Variants in CBFA2T2 observed in about 807,000 individuals in gnomAD.
CBFA2T2 encodes the protein protein CBFA2T2.
CBFA2T2 carries 11 observed loss-of-function variants against 62.2 expected under a neutral mutation model. That is an observed-to-expected ratio of 0.18 (90% CI 0.11 to 0.29). The LOEUF (loss-of-function observed/expected upper bound fraction) is 0.29, where lower values mean the gene tolerates loss of function less well. Ranked by LOEUF, CBFA2T2 falls within the 10% of genes least tolerant of loss-of-function variation. The probability of loss-of-function intolerance (pLI) is 1.00; values close to 1 mark genes in which losing one functional copy is unlikely to be tolerated. For missense variants in CBFA2T2, 592 were observed against 774.1 expected (o/e 0.76, Z 2.79); for synonymous variants, 295 against 287.5 (o/e 1.03, Z -0.27).
intron 1 of CBFA2T2, among the ~76,000 whole-genome samples, chr20:33,586,136 T>C (rs1241893454): frequency 6.6e-6 from 1 of 152,226 alleles, no homozygotes; most frequent in African/African-American, 2.4e-5. Context: ...ATCAATATTG[T>C]GATTATTATC....
intron 8 of CBFA2T2, among the ~76,000 whole-genome samples, chr20:33,632,263 C>T (rs1464493847): frequency 3.3e-5 from 5 of 151,904 alleles, no homozygotes; most frequent in Admixed American, 6.6e-5. Context: ...AGGCTGGGCT[C>T]GAACTCCTGA....
chr20:33,614,044 C>T (rs1327161070), intron 3 of CBFA2T2, among the ~76,000 whole-genome samples: 2 of 150,736 alleles, frequency 1.3e-5, no homozygotes, highest in African/African-American at 2.4e-5. Flanking sequence ...ATTAGCCGGG[C>T]GTGGAGCTTG....
chr20:33,519,336 G>T lies in CBFA2T2; in HGVS notation c.34+29035G>T, dbSNP rs1224934555. Among the ~76,000 whole-genome samples the T allele has an allele frequency of 5.3e-5, 8 of 152,078 alleles. No homozygotes were observed. In the East Asian group the frequency reaches 1.5e-3, roughly 29 times the overall value. ...AATGCAAAAATTAGCCCGGTGCAGT[G>T]GCATATGCCTGTAATTCCAGCTATT... On this transcript the variant is annotated intron_variant, in intron 1 of 10. Coordinates refer to ENST00000342704, the MANE Select transcript of CBFA2T2 (RefSeq NM_001032999.3).
intron 1 of CBFA2T2, among the ~76,000 whole-genome samples, chr20:33,553,382 A>G (rs2012794132): frequency 2.0e-5 from 3 of 152,146 alleles, no homozygotes; most frequent in Admixed American, 6.5e-5. Context: ...GCACGCCACT[A>G]CGCCTGGCTA....
intron 1 of CBFA2T2, among the ~76,000 whole-genome samples, chr20:33,537,160 G>T (rs1465364041): frequency 6.6e-6 from 1 of 152,238 alleles, no homozygotes; most frequent in African/African-American, 2.4e-5. Flanking sequence ...AGGTTGTAGC[G>T]AGCCGAGATC....
intron 3 of CBFA2T2, among the ~76,000 whole-genome samples, chr20:33,614,130 AT>A (rs2015621979): frequency 6.6e-6 from 1 of 151,738 alleles, no homozygotes; most frequent in South Asian, 2.1e-4. Flanking sequence ...AAAAAAAAAA[AT>A]TCATTTGTAA....
chr20:33,566,605 C>CAA (rs11364971), intron 1 of CBFA2T2, among the ~76,000 whole-genome samples: 1 of 134,828 alleles, frequency 7.4e-6, no homozygotes, highest in Non-Finnish European at 1.6e-5. Flanking sequence ...GACTCAGTCT[C>CAA]AAAAAAAAAA....
chr20:33,597,448 A>G (rs1181122752), intron 1 of CBFA2T2, among the ~76,000 whole-genome samples: 1 of 152,176 alleles, frequency 6.6e-6, no homozygotes, highest in Non-Finnish European at 1.5e-5. Flanking sequence ...GCATACCGGT[A>G]TGGATCTGTG....
At chr20:33,597,279 CCTCAGTAGTAGAAGA>C (rs2122257709) in intron 1 of CBFA2T2, among the ~76,000 whole-genome samples, 1 of 152,134 alleles carries the variant, frequency 6.6e-6, no homozygotes, top group African/African-American at 2.4e-5. Flanking sequence ...ACTGCTGTCA[CCTCAGTAGTAGAAGA>C]CTTAGTAGTT....
chr20:33,506,022 G>A (rs537142670), intron 1 of CBFA2T2, among the ~76,000 whole-genome samples: 65 of 152,230 alleles, frequency 4.3e-4, no homozygotes, highest in Non-Finnish European at 6.5e-4. Flanking sequence ...CCCAGAAGGT[G>A]GAAGTTGCAG....
In CBFA2T2 at chr20:33,572,215, A is replaced by C. The variant is rs115507822; in HGVS notation, c.35-34741A>C. Reference sequence around the variant, plus strand: ...AAGATGGTGGTAGGGTATTAATGTTAATAATTTTGGTAATTATACTGGGCT... The same window carrying C: ...AAGATGGTGGTAGGGTATTAATGTTCATAATTTTGGTAATTATACTGGGCT... On this transcript the variant is annotated intron_variant, in intron 1 of 10. Coordinates refer to ENST00000342704, the MANE Select transcript of CBFA2T2 (RefSeq NM_001032999.3). 5.4e-3 allele frequency among the ~76,000 whole-genome samples: 825 copies of C among 152,326 alleles called. 10 individuals carry two copies. The highest frequency in any genetic ancestry group is 0.019 in the African/African-American group (775 of 41,566).
chr20:33,594,275 G>A (rs2014792386), intron 1 of CBFA2T2, among the ~76,000 whole-genome samples: 1 of 152,046 alleles, frequency 6.6e-6, no homozygotes, highest in African/African-American at 2.4e-5. Context: ...AGGCTGGAGT[G>A]CAGTGGCGCA....
chr20:33,571,485 G>T (rs1232083715), intron 1 of CBFA2T2, among the ~76,000 whole-genome samples: 1 of 151,952 alleles, frequency 6.6e-6, no homozygotes, highest in African/African-American at 2.4e-5. Context: ...TTTTCTTTAA[G>T]TACAGAAGTC....
At chr20:33,518,137 A>C (rs899760094) in intron 1 of CBFA2T2, among the ~76,000 whole-genome samples, 7 of 151,408 alleles carry the variant, frequency 4.6e-5, no homozygotes, top group Admixed American at 4.6e-4. Flanking sequence ...CTTAGTAGAG[A>C]CTGGGTTTCA....
intron 1 of CBFA2T2, among the ~76,000 whole-genome samples, chr20:33,565,363 GGTACTC>G (rs1749394948): frequency 6.6e-6 from 1 of 152,130 alleles, no homozygotes; most frequent in African/African-American, 2.4e-5. Context: ...GAATTCACAT[GGTACTC>G]CTTCAGTGAG....
In CBFA2T2 at chr20:33,547,205, G is replaced by GA. The variant is rs199558446; in HGVS notation, c.34+56911dup. Among the ~76,000 whole-genome samples the GA allele has an allele frequency of 4.8e-3, 722 of 151,306 alleles. 11 individuals are homozygous for GA. Among genetic ancestry groups the GA allele is most frequent in the South Asian group, 0.037 (179 of 4,780 alleles). ...ACAGGGCGAGACTCCGTCTCAAAAA[G>GA]AAAAAAATAAAAAAGACCGGAAATA... is the stretch of plus-strand genomic sequence containing the variant. On this transcript the variant is annotated intron_variant, in intron 1 of 10. Coordinates refer to ENST00000342704, the MANE Select transcript of CBFA2T2 (RefSeq NM_001032999.3).
chr20:33,546,193 T>A (rs2012562030), intron 1 of CBFA2T2, among the ~76,000 whole-genome samples: 1 of 152,204 alleles, frequency 6.6e-6, no homozygotes, highest in South Asian at 2.1e-4. Context: ...TACTTTTTCC[T>A]GAAGATTTGC....
At chr20:33,586,026 T>C (rs1466496246) in intron 1 of CBFA2T2, among the ~76,000 whole-genome samples, 1 of 152,252 alleles carries the variant, frequency 6.6e-6, no homozygotes, top group Non-Finnish European at 1.5e-5. Flanking sequence ...GTTTTATTCT[T>C]CTACCTTCTT....
chr20:33,537,395 T>G (rs76677284), intron 1 of CBFA2T2, among the ~76,000 whole-genome samples: 2 of 152,106 alleles, frequency 1.3e-5, no homozygotes, highest in African/African-American at 4.8e-5. Flanking sequence ...GCTGAGGCAG[T>G]AGAATCAGGC....
Sources: allele counts gnomAD v4.1 joint callset (sites outside exome capture counted in the v4.1 genomes callset), GRCh38; gene constraint gnomAD v4.1.1; transcripts MANE v1.5; gene names NCBI Gene and HGNC (gene_info 2026-07-23, HGNC 2026-07-21).